Variants in COL6A1 observed in about 807,000 individuals in gnomAD.
COL6A1 encodes collagen alpha-1(VI) chain.
A neutral mutation model predicts 145.6 loss-of-function variants in COL6A1; 80 were observed. The ratio of observed to expected loss-of-function variants is 0.55; its 90% CI spans 0.46 to 0.66. The LOEUF (loss-of-function observed/expected upper bound fraction) is 0.66, where lower values mean the gene tolerates loss of function less well. Among genes scored for constraint, COL6A1 ranks in the 30% least tolerant of loss-of-function variants. The pLI, the probability that COL6A1 is intolerant of heterozygous loss-of-function variation, is 0.00. For synonymous variants in COL6A1, 638 were observed against 622.8 expected, an observed-to-expected ratio of 1.02 and a Z score of -0.36; for missense variants, 1,364 against 1,473.8, an observed-to-expected ratio of 0.93 and a Z score of 1.22.
At chr21:45,987,383 C>T in intron 6 of COL6A1, 116 bp from the exon 7 acceptor site, 1 of 1,520,028 alleles carries the variant, frequency 6.6e-7, no homozygotes, top group Non-Finnish European at 9.1e-7. Flanking sequence ...ATGTGTCCGC[C>T]TGTGCGTCCA....
intron 27 of COL6A1, 99 bp downstream of exon 27, chr21:45,999,791 A>AC: frequency 1.5e-6 from 1 of 689,438 alleles, no homozygotes; most frequent in Non-Finnish European, 2.2e-6. Flanking sequence ...GACGCTGCTC[A>AC]CGGGGGGGTG....
chr21:46,001,056 C>A (rs567086719), intron 29 of COL6A1, 197 bp from the exon 30 acceptor site: 17 of 796,332 alleles, frequency 2.1e-5, no homozygotes, highest in Non-Finnish European at 3.4e-5. Flanking sequence ...TGAGCAACGC[C>A]AGCCCTGACC....
Position 45,994,065 on chromosome 21 carries a change from C to T in COL6A1, c.1336-102C>T. The T allele has an allele frequency of 8.2e-7, 1 of 1,222,626 alleles. No homozygotes were observed. The highest frequency in any genetic ancestry group is 1.2e-6 in the Non-Finnish European group (1 of 848,124). The allele number at this position is 1,222,626 out of a possible 1,614,324, so 75.7% of individuals were successfully genotyped here. On this transcript the variant is annotated intron_variant, in intron 19 of 34. Transcript: ENST00000361866. This position sits in a 1 kb window ranked among gnomAD's most constrained non-coding sequence, Gnocchi z 6.8. ...TGCGGGGAGGGAAGGCCGGAACAGC[C>T]CAGTGACCACCTGGACAGCATGCTG...
chr21:45,996,689 C>T (rs2077806579), intron 20 of COL6A1, among the ~76,000 whole-genome samples: 1 of 152,206 alleles, frequency 6.6e-6, no homozygotes, highest in Non-Finnish European at 1.5e-5. Context: ...CTTCTTGGCT[C>T]AGCTGGGCGC....
intron 15 of COL6A1, among the ~76,000 whole-genome samples, chr21:45,991,393 G>T (rs946089952): frequency 1.3e-5 from 2 of 152,210 alleles, no homozygotes; most frequent in African/African-American, 4.8e-5. Flanking sequence ...AACTGAGAAT[G>T]GGCTGGGTGG....
At chr21:45,989,575 G>C in intron 9 of COL6A1, 33 bp from the exon 10 acceptor site, 1 of 1,609,424 alleles carries the variant, frequency 6.2e-7, no homozygotes, top group Non-Finnish European at 8.5e-7. Flanking sequence ...CTGCTCCTCC[G>C]GGGGTGTCTC....
At chr21:45,995,287 C>G (rs2077798832) in intron 20 of COL6A1, among the ~76,000 whole-genome samples, 1 of 152,256 alleles carries the variant, frequency 6.6e-6, no homozygotes, top group African/African-American at 2.4e-5. Context: ...GCCTCAGTCT[C>G]TGATCCTCTT....
At position 46,002,059 on chromosome 21, in the gene COL6A1, G is replaced by A. The variant is rs2077849212; in HGVS notation, c.2055G>A (p.Gln685=). ...GCAGCCCCAGCATCCGGAACGTGCA[G>A]GAGCTCAAGGAGTGAGTGCCCCACG... is the stretch of plus-strand genomic sequence containing the variant. The part of the protein sequence containing the change: ...SLRSPSIRNV[Q]ELKEAIKSLQ... The change falls in exon 31 of 35, where the codon CAG becomes CAA. Residue 685 remains glutamine (Q), a synonymous_variant. Coordinates refer to ENST00000361866, the MANE Select transcript of COL6A1 (RefSeq NM_001848.3). 6.2e-7 allele frequency: 1 copy of A among 1,611,132 alleles called. No homozygotes were observed. Among genetic ancestry groups the A allele is most frequent in the African/African-American group, 1.3e-5 (1 of 74,906 alleles).
intron 1 of COL6A1, among the ~76,000 whole-genome samples, chr21:45,982,289 G>T (rs11910925): frequency 2.8e-5 from 4 of 142,922 alleles, no homozygotes; most frequent in African/African-American, 1.0e-4. Flanking sequence ...CGGCCCCCCC[G>T]ACCCCCGTTC....
At chr21:46,000,637 GGGGAGGCCGGGGAAGGA>G (rs2077838387) in intron 28 of COL6A1, 105 bp from the exon 29 acceptor site, 2 of 1,113,918 alleles carry the variant, frequency 1.8e-6, no homozygotes, top group South Asian at 1.3e-5. Context: ...CCGGGGAAGG[GGGGAGGCCGGGGAAGGA>G]GGGCGGCCGG....
intron 2 of COL6A1, among the ~76,000 whole-genome samples, chr21:45,983,567 GGACCTTCCA>G (rs2077720547): frequency 6.6e-6 from 1 of 152,074 alleles, no homozygotes; most frequent in Non-Finnish European, 1.5e-5. Context: ...ACAGCAGGGT[GGACCTTCCA>G]GCCCACACCG....
intron 6 of COL6A1, 135 bp downstream of exon 6, chr21:45,987,310 C>A: frequency 6.6e-7 from 1 of 1,510,282 alleles, no homozygotes; most frequent in Non-Finnish European, 9.1e-7. Flanking sequence ...CGTGTCTGCC[C>A]GTGTGCCCGG....
In COL6A1 at chr21:45,998,442, G is replaced by A. The variant is rs186975997; in HGVS notation, c.1611+9G>A. On this transcript the variant is annotated intron_variant, in intron 24 of 34. Transcript: ENST00000361866. ...GCGCTCCCGGGATAAACGTGAGTAC[G>A]CCCCCTCCTCCATCTGGCTGTGGGC... 22 of 1,613,208 alleles carry A rather than the reference G, an allele frequency of 1.4e-5. No individual in the cohort carries two copies. Among genetic ancestry groups the A allele is most frequent in the Middle Eastern group, 1.6e-4 (1 of 6,062 alleles).
intron 3 of COL6A1, among the ~76,000 whole-genome samples, chr21:45,984,691 G>A (rs544269739): frequency 4.6e-4 from 70 of 151,818 alleles, no homozygotes; most frequent in African/African-American, 1.4e-3. Context: ...GAGAGACAGA[G>A]ACAGAGAGAG....
At position 46,001,379 on chromosome 21, in the gene COL6A1, T is replaced by C; in HGVS notation, c.1949T>C (p.Leu650Pro). The C allele has an allele frequency of 6.2e-7, 1 of 1,611,356 alleles. No individual in the cohort carries two copies. The highest frequency in any genetic ancestry group is 8.5e-7 in the Non-Finnish European group (1 of 1,179,828). Residue 650 changes from leucine (L) to proline (P), a missense_variant, in exon 30 of 35, where the codon CTG becomes CCG. By Grantham distance (98) the Leu-to-Pro change is moderately conservative. Around this residue, in one of 3 missense-constraint regions of COL6A1, gnomAD observed 938 missense variants for 1,003.8 expected, o/e 0.93. Transcript: ENST00000361866. ...KVIDRLSRDE[L>P]VKFEPGQSYA... is the part of the protein sequence containing the mutation. ...ATCGACCGGCTGAGCCGGGACGAGC[T>C]GGTCAAGGTGAGGCCTCGCCCCGCC...
chr21:45,997,163 G>C lies in COL6A1; in HGVS notation c.1399-258G>C, dbSNP rs561033384. On this transcript the variant is annotated intron_variant, in intron 20 of 34. Coordinates refer to ENST00000361866, the MANE Select transcript of COL6A1 (RefSeq NM_001848.3). ...GGGCGCCCACCAAAGTCATCTGGGA[G>C]AGGCTTCACCCCTCCGTGGGGGCCT... 4.7e-5 allele frequency among the ~76,000 whole-genome samples: 6 copies of C among 127,814 alleles called. No homozygotes were observed. The South Asian group carries it at 6.6e-4, about 14-fold the overall frequency. The allele number at this position is 127,814 out of a possible 152,430, so 83.9% of individuals were successfully genotyped here.
intron 9 of COL6A1, 71 bp downstream of exon 9, chr21:45,989,208 C>G: frequency 6.7e-7 from 1 of 1,492,170 alleles, no homozygotes; most frequent in Non-Finnish European, 9.1e-7. Context: ...TCGGAAACTT[C>G]CGGAAGAGTG....
rs750111461 is a variant in COL6A1, at chr21:45,998,352, C to G, written c.1576-46C>G. On this transcript the variant is annotated intron_variant, in intron 23 of 34. Transcript: ENST00000361866. Reference sequence around the variant, plus strand: ...CGCTGTGCGCCCCTCACAGCCTCCCCTCTCAAATCAGAACCCGGTATCACT... The same window carrying G: ...CGCTGTGCGCCCCTCACAGCCTCCCGTCTCAAATCAGAACCCGGTATCACT... The G allele has an allele frequency of 4.3e-6, 7 of 1,612,284 alleles. No homozygotes were observed. The Admixed American group carries it at 1.0e-4, about 23-fold the overall frequency.
Position 46,003,781 on chromosome 21 carries a change from C to T in COL6A1, c.2855C>T (p.Pro952Leu), listed in dbSNP as rs1225019573. 6.2e-7 allele frequency: 1 copy of T among 1,611,788 alleles called. No individual in the cohort carries two copies. The highest frequency in any genetic ancestry group is 8.5e-7 in the Non-Finnish European group (1 of 1,178,992). Reference protein sequence around the residue: ...FSDGNSQGATPAAIEKAVQEA... With the variant: ...FSDGNSQGATLAAIEKAVQEA... ...GATGGCAACTCGCAGGGCGCCACGC[C>T]CGCTGCCATCGAGAAGGCCGTGCAG... Residue 952 changes from proline (P) to leucine (L), a missense_variant, in exon 35 of 35, where the codon CCC becomes CTC. By Grantham distance (98) the Pro-to-Leu change is moderately conservative. This residue lies in a region of COL6A1 where 938 missense variants were observed against 1,003.8 expected (regional missense o/e 0.93). Transcript: ENST00000361866.
Sources: gnomAD v4.1 joint callset for allele counts (sites outside exome capture counted in the v4.1 genomes callset) on GRCh38, gnomAD v4.1.1 for gene constraint, gnomAD v4.1.1 regional missense constraint, Gnocchi (gnomAD v3.1) non-coding constraint, MANE v1.5 for transcripts, NCBI Gene and HGNC (gene_info 2026-07-23, HGNC 2026-07-21) for gene names.